The following CHL1 variants were observed in gnomAD, a reference collection of about 807,000 sequenced individuals.
CHL1 encodes the protein cell adhesion molecule L1 like.
In CHL1, 96 loss-of-function variants were observed where a neutral mutation model predicts 141.9. The observed-to-expected ratio is 0.68, with a 90% CI of 0.57 to 0.80. CHL1 has a LOEUF of 0.80. Among genes scored for constraint, CHL1 ranks in the 30% least tolerant of loss-of-function variants. The pLI, the probability that CHL1 is intolerant of heterozygous loss-of-function variation, is 0.00. For missense variants in CHL1, 1,820 were observed against 1,457.2 expected, an observed-to-expected ratio of 1.25 and a Z score of -4.05; for synonymous variants, 613 against 502.2, an observed-to-expected ratio of 1.22 and a Z score of -2.95.
chr3:285,292 G>A (rs1282801927), intron 2 of CHL1, among the ~76,000 whole-genome samples: 1 of 152,180 alleles, frequency 6.6e-6, no homozygotes, highest in Non-Finnish European at 1.5e-5. Flanking sequence ...ACAGCTGGGT[G>A]ACTTGGGCAT....
At chr3:209,560 A>C (rs1419655825) in intron 1 of CHL1, among the ~76,000 whole-genome samples, 1 of 152,092 alleles carries the variant, frequency 6.6e-6, no homozygotes. Flanking sequence ...ACAGAACCCT[A>C]ATCTTTTTTT....
intron 2 of CHL1, among the ~76,000 whole-genome samples, chr3:316,709 A>G (rs1334707328): frequency 1.3e-5 from 2 of 151,956 alleles, no homozygotes; most frequent in Non-Finnish European, 2.9e-5. Context: ...AATTACCCTG[A>G]TGTAATTATT....
At position 382,544 on chromosome 3, in the gene CHL1, A is replaced by G. The variant is rs935557412; in HGVS notation, c.2049A>G (p.Gly683=). ...GGGAGGAACTGACCAGAGTCCAAGG[A>G]AAGAAAACCACAGTTATCTTACCTT... The part of the protein sequence containing the change: ...GRWEELTRVQ[G]KKTTVILPLA... The change falls in exon 18 of 28, where the codon GGA becomes GGG. Residue 683 remains glycine (G), a synonymous_variant. Coordinates refer to ENST00000256509, the MANE Select transcript of CHL1 (RefSeq NM_006614.4). The G allele has an allele frequency of 6.2e-7, 1 of 1,613,790 alleles. No individual in the cohort carries two copies. Among genetic ancestry groups the G allele is most frequent in the Non-Finnish European group, 8.5e-7 (1 of 1,179,718 alleles).
intron 2 of CHL1, among the ~76,000 whole-genome samples, chr3:275,439 C>G (rs1007158960): frequency 4.6e-5 from 7 of 152,298 alleles, no homozygotes; most frequent in Admixed American, 1.3e-4. Flanking sequence ...TCTTATTCCT[C>G]TTGCTATATA....
intron 2 of CHL1, among the ~76,000 whole-genome samples, chr3:268,114 C>A (rs1437544834): frequency 6.6e-6 from 1 of 152,124 alleles, no homozygotes; most frequent in Non-Finnish European, 1.5e-5. Context: ...TAGATACAAT[C>A]CTTTACATAA....
At chr3:392,518 T>C (rs901714205) in intron 23 of CHL1, among the ~76,000 whole-genome samples, 5 of 152,234 alleles carry the variant, frequency 3.3e-5, no homozygotes, top group African/African-American at 1.2e-4. Flanking sequence ...GCGTTCCCTC[T>C]GAAACAGTCG....
rs1322805013 is a variant in CHL1 at position 391,117 on chromosome 3, G to C, written c.2749G>C (p.Gly917Arg). 1 of 1,613,806 alleles carries C rather than the reference G, an allele frequency of 6.2e-7. No homozygotes were observed. The highest frequency in any genetic ancestry group is 2.2e-5 in the East Asian group (1 of 44,878). Residue 917 changes from glycine (G) to arginine (R), a missense_variant, in exon 22 of 28, where the codon GGT (glycine) becomes CGT (arginine). Transcript: ENST00000256509. Reference sequence around the variant, plus strand: ...CTTAGCCTATAACTCTAAAGGAGCTGGTCCTGAAAGTGAGCCTTATATATT... The same window carrying C: ...CTTAGCCTATAACTCTAAAGGAGCTCGTCCTGAAAGTGAGCCTTATATATT... ...TVLAYNSKGAGPESEPYIFQT... is the reference protein window; with the variant it reads ...TVLAYNSKGARPESEPYIFQT...
At chr3:349,606 G>T in intron 10 of CHL1, 63 bp downstream of exon 10, 1 of 1,365,758 alleles carries the variant, frequency 7.3e-7, no homozygotes, top group South Asian at 1.3e-5. Flanking sequence ...ACATGTAGTA[G>T]GCCTTGCTTC....
chr3:377,598 A>G (rs1213306644), intron 15 of CHL1, among the ~76,000 whole-genome samples: 1 of 152,176 alleles, frequency 6.6e-6, no homozygotes, highest in Admixed American at 6.5e-5. Context: ...ATAATTTTTA[A>G]TGTGATTTTG....
chr3:291,336 A>G (rs897021755), intron 2 of CHL1, among the ~76,000 whole-genome samples: 7 of 152,078 alleles, frequency 4.6e-5, no homozygotes, highest in Admixed American at 2.6e-4. Context: ...AATGTATTCT[A>G]CCCAGGTCTT....
intron 23 of CHL1, 67 bp from the exon 24 acceptor site, chr3:394,626 A>G: frequency 8.6e-7 from 1 of 1,159,988 alleles, no homozygotes; most frequent in Non-Finnish European, 1.2e-6. Flanking sequence ...GGAGAAATGA[A>G]AATAATGAAG....
At position 401,684 on chromosome 3, in the gene CHL1, CT is replaced by C; in HGVS notation, c.3447del (p.Phe1149LeufsTer32). 6.3e-7 allele frequency: 1 copy of C among 1,582,262 alleles called. No individual in the cohort carries two copies. Among genetic ancestry groups the C allele is most frequent in the Non-Finnish European group, 8.6e-7 (1 of 1,160,764 alleles). ...PEIQSVKDET[F>X]GEYSDSDEKP... is the part of the protein sequence containing the mutation. ...AAATTCAGTCAGTAAAAGATGAAAC[CT>C]TTGGTGAATACAGGTAAACATAAGG... On this transcript the variant is annotated frameshift_variant, in exon 27 of 28. Transcript: ENST00000256509. LOFTEE classifies it high-confidence loss of function.
At chr3:255,822 C>T (rs1694105087) in intron 2 of CHL1, among the ~76,000 whole-genome samples, 1 of 152,114 alleles carries the variant, frequency 6.6e-6, no homozygotes, top group Non-Finnish European at 1.5e-5. Context: ...GTGGATGGAG[C>T]CCAGGTAGCT....
At chr3:314,171 C>T (rs936434787) in intron 2 of CHL1, among the ~76,000 whole-genome samples, 1 of 151,422 alleles carries the variant, frequency 6.6e-6, no homozygotes, top group African/African-American at 2.4e-5. Flanking sequence ...CTCCTTACTG[C>T]TGTTGAAATA....
intron 1 of CHL1, among the ~76,000 whole-genome samples, chr3:238,849 C>T (rs999470256): frequency 6.6e-6 from 1 of 151,966 alleles, no homozygotes; most frequent in African/African-American, 2.4e-5. Flanking sequence ...AGGAGAATTG[C>T]TTGAACCCAG....
intron 11 of CHL1, among the ~76,000 whole-genome samples, chr3:357,520 TAC>T (rs1470385508): frequency 6.6e-6 from 1 of 152,154 alleles, no homozygotes; most frequent in Non-Finnish European, 1.5e-5. Context: ...GCAACCCAGG[TAC>T]ATTTAAAACC....
At chr3:386,286 C>A (rs1328578294) in intron 19 of CHL1, among the ~76,000 whole-genome samples, 1 of 151,032 alleles carries the variant, frequency 6.6e-6, no homozygotes. Flanking sequence ...CTGGACATCC[C>A]TAATTTTTGT....
intron 5 of CHL1, among the ~76,000 whole-genome samples, chr3:333,802 G>A (rs115906038): frequency 6.6e-6 from 1 of 152,116 alleles, no homozygotes; most frequent in African/African-American, 2.4e-5. Flanking sequence ...CTATCAGTAA[G>A]GTTAAAATGA....
At chr3:400,943 C>G (rs1322091425) in intron 26 of CHL1, among the ~76,000 whole-genome samples, 1 of 118,158 alleles carries the variant, frequency 8.5e-6, no homozygotes, top group Non-Finnish European at 1.7e-5. Context: ...GTTCTGTTGC[C>G]CAGGCTGGAG....
Sources: allele counts gnomAD v4.1 joint callset (sites outside exome capture counted in the v4.1 genomes callset), GRCh38; gene constraint gnomAD v4.1.1; transcripts MANE v1.5; gene names NCBI Gene and HGNC (gene_info 2026-07-23, HGNC 2026-07-21).